Variants in PTPRM observed in about 807,000 individuals in gnomAD.
PTPRM encodes the protein receptor-type tyrosine-protein phosphatase mu.
Under a neutral mutation model 186.7 loss-of-function variants are expected in PTPRM, and 47 were observed. That is an observed-to-expected ratio of 0.25 (90% CI 0.20 to 0.32). The LOEUF is 0.32. PTPRM is among the 10% of genes least tolerant of loss of function. PTPRM has a pLI of 1.00. For missense variants in PTPRM, 1,494 were observed against 1,865.0 expected (o/e 0.80, Z 3.66); for synonymous variants, 668 against 674.9 (o/e 0.99, Z 0.16).
At chr18:8,196,004 A>T (rs1244196543) in intron 14 of PTPRM, among the ~76,000 whole-genome samples, 1 of 152,232 alleles carries the variant, frequency 6.6e-6, no homozygotes, top group African/African-American at 2.4e-5. Flanking sequence ...GTTAGTTGGT[A>T]TTCCTTTCCA....
intron 19 of PTPRM, among the ~76,000 whole-genome samples, chr18:8,277,913 G>A (rs1483638121): frequency 6.6e-6 from 1 of 152,222 alleles, no homozygotes; most frequent in Non-Finnish European, 1.5e-5. Flanking sequence ...GTGCGTATCT[G>A]TAAGTACACA....
chr18:8,108,181 T>A (rs185667419), intron 11 of PTPRM, among the ~76,000 whole-genome samples: 1 of 152,294 alleles, frequency 6.6e-6, no homozygotes, highest in East Asian at 1.9e-4. Flanking sequence ...CAGGAAGCTA[T>A]CAATACTAAT....
At chr18:8,206,450 A>G (rs920949429) in intron 14 of PTPRM, among the ~76,000 whole-genome samples, 2 of 151,938 alleles carry the variant, frequency 1.3e-5, no homozygotes, top group Non-Finnish European at 1.5e-5. Context: ...GGGTTTCACC[A>G]TGTTAGCCAG....
chr18:7,886,055 A>G (rs949123614), intron 2 of PTPRM, among the ~76,000 whole-genome samples: 10 of 152,344 alleles, frequency 6.6e-5, no homozygotes, highest in African/African-American at 2.4e-4. Context: ...TATTCTTGGC[A>G]ATATGGCCAT....
chr18:7,923,385 C>T lies in PTPRM; in HGVS notation c.548-3183C>T, dbSNP rs532899565. ...CACTCCACAGGGAGATGGAAGGCGG[C>T]GGGGGTTGGTCAACATGTGGAATGA... On this transcript the variant is annotated intron_variant, in intron 4 of 32. Coordinates refer to ENST00000580170, the MANE Select transcript of PTPRM (RefSeq NM_001105244.2). Among the ~76,000 whole-genome samples, 6 of 152,206 alleles carry T rather than the reference C, an allele frequency of 3.9e-5. No homozygotes were observed. In the East Asian group the frequency reaches 5.8e-4, roughly 15 times the overall value.
chr18:8,261,419 G>C (rs1012305068), intron 19 of PTPRM, among the ~76,000 whole-genome samples: 1 of 152,160 alleles, frequency 6.6e-6, no homozygotes, highest in Non-Finnish European at 1.5e-5. Context: ...CTAGAACTCT[G>C]AAATTTTGAG....
chr18:7,646,906 AT>A (rs2038578267), intron 1 of PTPRM, among the ~76,000 whole-genome samples: 1 of 151,558 alleles, frequency 6.6e-6, no homozygotes, highest in African/African-American at 2.4e-5. Flanking sequence ...AGGTCTCTGT[AT>A]TTTTAGGGGG....
chr18:8,369,245 T>C (rs546208687), intron 23 of PTPRM, among the ~76,000 whole-genome samples: 2 of 152,330 alleles, frequency 1.3e-5, no homozygotes, highest in East Asian at 3.9e-4. Context: ...ATTTAAAAAC[T>C]CGTTCTTACC....
chr18:7,649,284 A>T (rs144889520), intron 1 of PTPRM, among the ~76,000 whole-genome samples: 1 of 152,296 alleles, frequency 6.6e-6, no homozygotes, highest in African/African-American at 2.4e-5. Context: ...TCTGCTGGAG[A>T]TGTACAAGGA....
chr18:7,993,934 G>T (rs2083395584), intron 7 of PTPRM, among the ~76,000 whole-genome samples: 1 of 151,872 alleles, frequency 6.6e-6, no homozygotes, highest in South Asian at 2.1e-4. Flanking sequence ...AAACAATGAA[G>T]AAAATGACAG....
chr18:7,963,754 A>AG (rs2053835153), intron 7 of PTPRM, among the ~76,000 whole-genome samples: 1 of 152,168 alleles, frequency 6.6e-6, no homozygotes, highest in African/African-American at 2.4e-5. Context: ...TCTATCTGTG[A>AG]GGGGCTTGAC....
intron 7 of PTPRM, among the ~76,000 whole-genome samples, chr18:7,960,450 CATATATATATATAT>C (rs71354579): frequency 2.8e-4 from 34 of 120,572 alleles, no homozygotes; most frequent in African/African-American, 9.2e-4. Context: ...ATATAGGCAA[CATATATATATATAT>C]ATATATATAT....
intron 29 of PTPRM, 83 bp from the exon 30 acceptor site, chr18:8,384,478 A>G (rs1289029799): frequency 8.1e-6 from 12 of 1,474,292 alleles, no homozygotes; most frequent in Non-Finnish European, 1.1e-5. Flanking sequence ...AGGATTACTG[A>G]GTGTCAATAC....
At chr18:8,370,108 A>G (rs1165930264) in intron 23 of PTPRM, among the ~76,000 whole-genome samples, 1 of 151,860 alleles carries the variant, frequency 6.6e-6, no homozygotes, top group Non-Finnish European at 1.5e-5. Context: ...GGCCAAGGAC[A>G]GAGCTTTGAG....
intron 7 of PTPRM, among the ~76,000 whole-genome samples, chr18:8,033,106 T>C (rs2086095458): frequency 6.6e-6 from 1 of 152,020 alleles, no homozygotes; most frequent in Non-Finnish European, 1.5e-5. Context: ...GAAGGACAAA[T>C]GACAACTTAG....
At chr18:8,278,035 A>T (rs1034339626) in intron 19 of PTPRM, among the ~76,000 whole-genome samples, 1 of 152,238 alleles carries the variant, frequency 6.6e-6, no homozygotes, top group Non-Finnish European at 1.5e-5. Flanking sequence ...TCATTTCCAG[A>T]TTGTGAACAG....
chr18:8,198,221 A>T (rs113096358), intron 14 of PTPRM, among the ~76,000 whole-genome samples: 11 of 152,292 alleles, frequency 7.2e-5, no homozygotes, highest in African/African-American at 2.6e-4. Context: ...AACATGGCTC[A>T]CTGCAGCCTC....
intron 11 of PTPRM, among the ~76,000 whole-genome samples, chr18:8,107,717 G>A (rs1389747864): frequency 1.3e-5 from 2 of 152,188 alleles, no homozygotes; most frequent in African/African-American, 4.8e-5. Context: ...AGAAATTAAA[G>A]TTGCTAATAT....
chr18:8,188,880 T>C (rs2093674966), intron 14 of PTPRM, among the ~76,000 whole-genome samples: 1 of 152,220 alleles, frequency 6.6e-6, no homozygotes. Flanking sequence ...TTTGAAATTT[T>C]ATGGCATAAA....
Sources: gnomAD v4.1 joint callset for allele counts (sites outside exome capture counted in the v4.1 genomes callset) on GRCh38, gnomAD v4.1.1 for gene constraint, MANE v1.5 for transcripts, NCBI Gene and HGNC (gene_info 2026-07-23, HGNC 2026-07-21) for gene names.